Variants in PKP4 observed in about 807,000 individuals in gnomAD.
PKP4 encodes the protein plakophilin-4.
PKP4 carries 90 observed loss-of-function variants against 145.1 expected under a neutral mutation model. That is an observed-to-expected ratio of 0.62 (90% CI 0.52 to 0.74). The LOEUF is 0.74. PKP4 is among the 30% of genes least tolerant of loss of function. The pLI is 0.00. For missense variants in PKP4, 1,340 were observed against 1,482.7 expected, an observed-to-expected ratio of 0.90 and a Z score of 1.58; for synonymous variants, 563 against 577.2, an observed-to-expected ratio of 0.98 and a Z score of 0.35.
intron 16 of PKP4, among the ~76,000 whole-genome samples, chr2:158,666,820 A>G (rs1369942168): frequency 2.0e-5 from 3 of 152,232 alleles, no homozygotes; most frequent in Non-Finnish European, 4.4e-5. Context: ...TTACAACACT[A>G]GTAGGGTTAA....
At chr2:158,565,214 T>C (rs2046870276) in intron 2 of PKP4, among the ~76,000 whole-genome samples, 1 of 152,196 alleles carries the variant, frequency 6.6e-6, no homozygotes, top group Admixed American at 6.5e-5. Flanking sequence ...CTGCCCGATA[T>C]TATTATTTTT....
intron 8 of PKP4, chr2:158,632,669 C>T (rs1383590892): frequency 1.3e-5 from 2 of 151,880 alleles, no homozygotes; most frequent in Non-Finnish European, 2.9e-5. Flanking sequence ...TATTAACATG[C>T]TTACAAATGA....
intron 16 of PKP4, among the ~76,000 whole-genome samples, chr2:158,667,363 AAAGGC>A (rs2057194852): frequency 6.6e-6 from 1 of 152,152 alleles, no homozygotes; most frequent in South Asian, 2.1e-4. Flanking sequence ...ATTGGAAATG[AAAGGC>A]AACTCCTCAT....
intron 1 of PKP4, among the ~76,000 whole-genome samples, chr2:158,510,684 TC>T (rs1448406237): frequency 1.3e-5 from 2 of 152,192 alleles, no homozygotes; most frequent in East Asian, 3.9e-4. Context: ...GGGCTGGAGT[TC>T]CAGGAGGGCT....
chr2:158,673,188 C>G lies in PKP4; in HGVS notation c.2925-489C>G, dbSNP rs139989745. On this transcript the variant is annotated intron_variant, in intron 17 of 21. Coordinates refer to ENST00000389759, the MANE Select transcript of PKP4 (RefSeq NM_003628.6). The stretch of plus-strand genomic sequence containing the variant: ...CTGTGACCATGTTTTCCAAATTCAA[C>G]ATTAGAACGCACATTAGTCTACTTA... 2.1e-4 allele frequency among the ~76,000 whole-genome samples: 32 copies of G among 152,298 alleles called. No homozygotes were observed. In the East Asian group the frequency reaches 6.2e-3, roughly 29 times the overall value.
chr2:158,648,954 C>T (rs1272762933), intron 11 of PKP4, among the ~76,000 whole-genome samples: 3 of 152,140 alleles, frequency 2.0e-5, no homozygotes, highest in African/African-American at 7.2e-5. Flanking sequence ...GTCGACATCG[C>T]GCCACTGCAC....
chr2:158,524,166 A>G (rs1436033408), intron 1 of PKP4, among the ~76,000 whole-genome samples: 13 of 92,688 alleles, frequency 1.4e-4, no homozygotes, highest in Admixed American at 3.7e-4. Context: ...GAGCAACTCC[A>G]AGACACATAA....
At chr2:158,458,561 AG>A (rs1391346554) in intron 1 of PKP4, among the ~76,000 whole-genome samples, 1 of 152,234 alleles carries the variant, frequency 6.6e-6, no homozygotes, top group Non-Finnish European at 1.5e-5. Flanking sequence ...CAGCAGAAAC[AG>A]GGGGCCTGAA....
chr2:158,490,369 C>T (rs1396700879), intron 1 of PKP4, among the ~76,000 whole-genome samples: 6 of 147,732 alleles, frequency 4.1e-5, no homozygotes, highest in East Asian at 2.0e-4. Flanking sequence ...AAAAAAAAGA[C>T]GGCAAACAAA....
chr2:158,559,879 T>C (rs1396500399), intron 2 of PKP4, among the ~76,000 whole-genome samples: 1 of 152,074 alleles, frequency 6.6e-6, no homozygotes, highest in Non-Finnish European at 1.5e-5. Context: ...TGGCCCTTTT[T>C]TTTTTGAGGC....
chr2:158,666,364 A>G (rs774710866), intron 15 of PKP4, 49 bp from the exon 16 acceptor site: 1 of 1,441,900 alleles, frequency 6.9e-7, no homozygotes, highest in Admixed American at 2.6e-5. Flanking sequence ...GTAACATATG[A>G]GACTGGAACT....
chr2:158,596,882 G>A (rs146165487), intron 3 of PKP4, among the ~76,000 whole-genome samples: 227 of 152,260 alleles, frequency 1.5e-3, no homozygotes, highest in African/African-American at 5.3e-3. Flanking sequence ...CTAGACTATG[G>A]CGTATAGTTC....
intron 13 of PKP4, chr2:158,662,594 A>G (rs946380206): frequency 4.7e-6 from 1 of 214,320 alleles, no homozygotes; most frequent in Non-Finnish European, 9.2e-6. Flanking sequence ...AGGCTCAAGC[A>G]TCATGGGTGC....
chr2:158,534,309 CAT>C (rs1175231174), intron 2 of PKP4, among the ~76,000 whole-genome samples: 3 of 152,194 alleles, frequency 2.0e-5, no homozygotes, highest in African/African-American at 4.8e-5. Context: ...AACCGTGACA[CAT>C]GTCTGACGTT....
chr2:158,496,802 G>A (rs1324118966), intron 1 of PKP4, among the ~76,000 whole-genome samples: 2 of 142,924 alleles, frequency 1.4e-5, no homozygotes, highest in African/African-American at 5.0e-5. Context: ...GTGTCTGTGT[G>A]TCTCACTCTC....
At chr2:158,543,874 ATAAT>A (rs1276454836) in intron 2 of PKP4, among the ~76,000 whole-genome samples, 1 of 152,200 alleles carries the variant, frequency 6.6e-6, no homozygotes, top group Non-Finnish European at 1.5e-5. Flanking sequence ...TGTTAGAATA[ATAAT>A]TAGTGTTCAC....
chr2:158,510,573 G>A (rs1004681102), intron 1 of PKP4, among the ~76,000 whole-genome samples: 1 of 152,230 alleles, frequency 6.6e-6, no homozygotes. Flanking sequence ...TGAGGCACTT[G>A]CAAAGTGCCT....
intron 8 of PKP4, 136 bp downstream of exon 8, chr2:158,632,077 A>C: frequency 1.4e-6 from 1 of 691,634 alleles, no homozygotes. Flanking sequence ...GTGACAGCAG[A>C]TCAATAAGCA....
At chr2:158,636,932 A>G (rs2105923148) in intron 9 of PKP4, among the ~76,000 whole-genome samples, 1 of 152,278 alleles carries the variant, frequency 6.6e-6, no homozygotes, top group East Asian at 1.9e-4. Context: ...TATCATAACC[A>G]TTTAAAATAT....
Sources: allele counts gnomAD v4.1 joint callset (sites outside exome capture counted in the v4.1 genomes callset), GRCh38; gene constraint gnomAD v4.1.1; transcripts MANE v1.5; gene names NCBI Gene and HGNC (gene_info 2026-07-23, HGNC 2026-07-21).